The following BMPR1B variants were observed in gnomAD, a reference collection of about 807,000 sequenced individuals.
The protein encoded by BMPR1B is bone morphogenetic protein receptor type-1B.
In BMPR1B, 12 loss-of-function variants were observed where a neutral mutation model predicts 59.1. The ratio of observed to expected loss-of-function variants is 0.20; its 90% CI spans 0.13 to 0.33. BMPR1B has a LOEUF of 0.33. Among genes scored for constraint, BMPR1B ranks in the 10% least tolerant of loss-of-function variants. The pLI, the probability that BMPR1B is intolerant of heterozygous loss-of-function variation, is 1.00. For synonymous variants in BMPR1B, 237 were observed against 207.3 expected (o/e 1.14, Z -1.23); for missense variants, 550 against 610.9 (o/e 0.90, Z 1.05).
chr4:95,152,255 T>A (rs765824424), intron 11 of BMPR1B, among the ~76,000 whole-genome samples: 1 of 152,200 alleles, frequency 6.6e-6, no homozygotes, highest in Non-Finnish European at 1.5e-5. Context: ...AGTTTCATAC[T>A]ATAGTAATAG....
chr4:94,824,185 G>T (rs1451280075), intron 1 of BMPR1B, among the ~76,000 whole-genome samples: 1 of 152,272 alleles, frequency 6.6e-6, no homozygotes, highest in East Asian at 1.9e-4. Context: ...GAGTTTTGAT[G>T]CACGAATTTA....
rs148401615 is a variant in BMPR1B, at chr4:95,072,968, A to G, written c.-17-31440A>G. Among the ~76,000 whole-genome samples the G allele has an allele frequency of 2.0e-5, 3 of 152,280 alleles. No individual in the cohort carries two copies. The East Asian group carries it at 5.8e-4, about 29-fold the overall frequency. On this transcript the variant is annotated intron_variant, in intron 3 of 12. Transcript: ENST00000515059. ...TCTATTTTCTTCAAATTTGACCAAT[A>G]TGATATAGCTCTTGCTTTTGGTTGC...
At chr4:94,944,330 T>G (rs1321349890) in intron 2 of BMPR1B, among the ~76,000 whole-genome samples, 7 of 152,172 alleles carry the variant, frequency 4.6e-5, no homozygotes, top group Admixed American at 4.6e-4. Flanking sequence ...TTTTATTATT[T>G]AAAAAATACT....
intron 2 of BMPR1B, among the ~76,000 whole-genome samples, chr4:94,947,963 A>G (rs1404128900): frequency 1.3e-5 from 2 of 152,224 alleles, no homozygotes; most frequent in Non-Finnish European, 2.9e-5. Context: ...ACCACTAGCT[A>G]CAATTCATTG....
chr4:95,104,259 A>T, intron 3 of BMPR1B, 149 bp from the exon 4 acceptor site: 1 of 945,116 alleles, frequency 1.1e-6, no homozygotes, highest in Admixed American at 2.5e-5. Flanking sequence ...CATGATTTTA[A>T]TCAAAATACC....
At chr4:95,132,098 G>T (rs1733401226) in intron 10 of BMPR1B, among the ~76,000 whole-genome samples, 1 of 152,156 alleles carries the variant, frequency 6.6e-6, no homozygotes, top group Non-Finnish European at 1.5e-5. Context: ...GGAGATGATA[G>T]TTGGGACTCT....
chr4:94,841,703 AGAAATCACCC>A (rs775163975), intron 1 of BMPR1B, among the ~76,000 whole-genome samples: 7 of 152,172 alleles, frequency 4.6e-5, no homozygotes, highest in Non-Finnish European at 1.0e-4. Context: ...ATGGAAATGC[AGAAATCACCC>A]GTCTTCTGCG....
At chr4:95,126,106 A>G (rs115643145) in intron 8 of BMPR1B, among the ~76,000 whole-genome samples, 82 of 152,270 alleles carry the variant, frequency 5.4e-4, no homozygotes, top group African/African-American at 2.0e-3. Context: ...AAGCCAGTCT[A>G]TTTATCTTCT....
chr4:94,967,285 G>A (rs1477666359), intron 2 of BMPR1B, among the ~76,000 whole-genome samples: 1 of 152,136 alleles, frequency 6.6e-6, no homozygotes, highest in Non-Finnish European at 1.5e-5. Flanking sequence ...GATGGTATTT[G>A]AATTGAGAAG....
intron 2 of BMPR1B, among the ~76,000 whole-genome samples, chr4:94,964,533 T>C (rs891435502): frequency 3.3e-5 from 5 of 152,182 alleles, no homozygotes; most frequent in Admixed American, 2.6e-4. Flanking sequence ...GATTAATCAC[T>C]GATGAGGACT....
At chr4:94,758,450 A>T (rs1721616569) in intron 1 of BMPR1B, among the ~76,000 whole-genome samples, 1 of 151,238 alleles carries the variant, frequency 6.6e-6, no homozygotes, top group Non-Finnish European at 1.5e-5. Context: ...AGGGAGTCGG[A>T]CCTGCGAGCG....
intron 2 of BMPR1B, among the ~76,000 whole-genome samples, chr4:94,995,615 C>G (rs1000277692): frequency 1.3e-5 from 2 of 152,186 alleles, no homozygotes; most frequent in African/African-American, 2.4e-5. Flanking sequence ...TTGACTCCAC[C>G]TAGCCCCACT....
intron 1 of BMPR1B, among the ~76,000 whole-genome samples, chr4:94,764,743 G>A (rs537517947): frequency 1.3e-5 from 2 of 152,184 alleles, no homozygotes; most frequent in South Asian, 4.1e-4. Context: ...GGAACATCTC[G>A]TGACTTGATA....
At chr4:95,073,250 G>A (rs556627360) in intron 3 of BMPR1B, among the ~76,000 whole-genome samples, 23 of 152,208 alleles carry the variant, frequency 1.5e-4, no homozygotes, top group African/African-American at 4.3e-4. Flanking sequence ...TTGGGAACAC[G>A]GAATTGCCAT....
At chr4:94,925,922 C>T (rs781060508) in intron 2 of BMPR1B, among the ~76,000 whole-genome samples, 34 of 152,048 alleles carry the variant, frequency 2.2e-4, no homozygotes, top group Admixed American at 5.9e-4. Context: ...TCCAATTTCA[C>T]GCAGCAAAGA....
At chr4:95,086,708 A>G (rs1189763491) in intron 3 of BMPR1B, among the ~76,000 whole-genome samples, 1 of 152,202 alleles carries the variant, frequency 6.6e-6, no homozygotes, top group African/African-American at 2.4e-5. Flanking sequence ...ATTAGTCAGC[A>G]TTAGTGTAAT....
chr4:95,005,234 G>C (rs1346289229), intron 3 of BMPR1B, among the ~76,000 whole-genome samples: 1 of 151,962 alleles, frequency 6.6e-6, no homozygotes, highest in Non-Finnish European at 1.5e-5. Context: ...AAATTGTAGA[G>C]GTAGAGAATC....
intron 4 of BMPR1B, among the ~76,000 whole-genome samples, chr4:95,113,894 T>A (rs1731809684): frequency 6.6e-6 from 1 of 152,148 alleles, no homozygotes; most frequent in Non-Finnish European, 1.5e-5. Flanking sequence ...TAATACTTTC[T>A]TTTTCTTATT....
intron 2 of BMPR1B, among the ~76,000 whole-genome samples, chr4:94,990,353 C>T (rs1022933522): frequency 1.3e-5 from 2 of 151,858 alleles, no homozygotes; most frequent in African/African-American, 4.8e-5. Flanking sequence ...AGACTCTGTC[C>T]GTCTCAAAAA....
Sources: allele counts gnomAD v4.1 joint callset (sites outside exome capture counted in the v4.1 genomes callset), GRCh38; gene constraint gnomAD v4.1.1; transcripts MANE v1.5; gene names NCBI Gene and HGNC (gene_info 2026-07-23, HGNC 2026-07-21).